The following RAD17 variants were observed in gnomAD, a reference collection of about 807,000 sequenced individuals.
RAD17 encodes the protein cell cycle checkpoint protein RAD17.
In RAD17, 31 loss-of-function variants were observed where a neutral mutation model predicts 81.5. The ratio of observed to expected loss-of-function variants is 0.38; its 90% CI spans 0.29 to 0.51. RAD17 has a LOEUF of 0.51. Among genes scored for constraint, RAD17 ranks in the 20% least tolerant of loss-of-function variants. The pLI, the probability that RAD17 is intolerant of heterozygous loss-of-function variation, is 0.88. For synonymous variants in RAD17, 261 were observed against 266.2 expected (o/e 0.98, Z 0.19); for missense variants, 681 against 781.2 (o/e 0.87, Z 1.53).
intron 18 of RAD17, 115 bp from the exon 19 acceptor site, chr5:69,413,916 C>G: frequency 7.7e-7 from 1 of 1,295,358 alleles, no homozygotes; most frequent in Middle Eastern, 2.7e-4. Context: ...AAGGGACTAG[C>G]TAAACAGCAC....
intron 18 of RAD17, among the ~76,000 whole-genome samples, chr5:69,413,442 AAAAAAAG>A (rs1766147919): frequency 1.3e-5 from 2 of 152,218 alleles, no homozygotes; most frequent in African/African-American, 4.8e-5. Flanking sequence ...GTCTCAATGA[AAAAAAAG>A]AAAAAAGAAA....
At chr5:69,385,997 G>T in intron 8 of RAD17, 46 bp from the exon 9 acceptor site, 2 of 1,413,228 alleles carry the variant, frequency 1.4e-6, no homozygotes, top group Non-Finnish European at 9.3e-7. Context: ...AAATAAATTT[G>T]CAATGGAATA....
intron 15 of RAD17, among the ~76,000 whole-genome samples, chr5:69,395,982 G>A (rs1764859958): frequency 6.6e-6 from 1 of 152,062 alleles, no homozygotes; most frequent in East Asian, 1.9e-4. Flanking sequence ...GAGCCACTGC[G>A]CCCAGCTGCA....
chr5:69,373,712 T>TG (rs1763160043), intron 4 of RAD17, 118 bp from the exon 5 acceptor site: 68 of 374,076 alleles, frequency 1.8e-4, no homozygotes, highest in South Asian at 9.4e-4. Flanking sequence ...TTTTTTTTTT[T>TG]TTTTAAGTTT....
At chr5:69,407,241 G>A (rs1765660832) in intron 17 of RAD17, among the ~76,000 whole-genome samples, 1 of 152,028 alleles carries the variant, frequency 6.6e-6, no homozygotes. Context: ...AACCTCAGGT[G>A]ATCCGCCTGC....
At chr5:69,379,073 C>G (rs1423384072) in intron 6 of RAD17, among the ~76,000 whole-genome samples, 2 of 152,084 alleles carry the variant, frequency 1.3e-5, no homozygotes, top group African/African-American at 4.8e-5. Context: ...GAAACCCCAT[C>G]TCTACTAAAA....
Position 69,410,553 on chromosome 5 carries a change from A to C in RAD17, c.1751+3A>C. ...CCTCTGAAGCGACACTTTGGAAGGT[A>C]AGCTGATCATCTCAATTTCCAAAAA... On this transcript the variant is annotated splice_donor_region_variant and intron_variant, in intron 18 of 18. Coordinates refer to ENST00000354868, the MANE Select transcript of RAD17 (RefSeq NM_133338.3). 1.2e-6 allele frequency: 2 copies of C among 1,612,364 alleles called. No individual in the cohort carries two copies. Among genetic ancestry groups the C allele is most frequent in the Non-Finnish European group, 1.7e-6 (2 of 1,178,692 alleles).
intron 15 of RAD17, among the ~76,000 whole-genome samples, chr5:69,394,051 A>G (rs1185200237): frequency 6.8e-6 from 1 of 146,156 alleles, no homozygotes; most frequent in Non-Finnish European, 1.5e-5. Context: ...CACCATGCCC[A>G]GCTTATTTTT....
In RAD17 at chr5:69,398,868, T is replaced by TAAAAAA. The variant is rs72281552; in HGVS notation, c.1573-1166_1573-1161dup. On this transcript the variant is annotated intron_variant, in intron 16 of 18. Coordinates refer to ENST00000354868, the MANE Select transcript of RAD17 (RefSeq NM_133338.3). ...TTCAGAATTTCTGGAATCTCCTGGT[T>TAAAAAA]AAAAAAAAAAAAAAAAAAAAGAGGC... Among the ~76,000 whole-genome samples, 70 of 109,820 alleles carry TAAAAAA rather than the reference T, an allele frequency of 6.4e-4. 5 individuals are homozygous for TAAAAAA. Among genetic ancestry groups the TAAAAAA allele is most frequent in the Non-Finnish European group, 8.9e-4 (50 of 56,026 alleles). The allele number at this position is 109,820 out of a possible 152,430, so 72.0% of individuals were successfully genotyped here. A position where few individuals can be genotyped will look rare whatever the true frequency, so the allele number is the denominator to read the frequency against.
intron 3 of RAD17, 35 bp from the exon 4 acceptor site, chr5:69,371,995 GTTAC>G: frequency 9.1e-7 from 1 of 1,095,302 alleles, no homozygotes; most frequent in Non-Finnish European, 1.2e-6. Context: ...TGTTAAGTAA[GTTAC>G]TTAACTTTGC....
At chr5:69,388,314 AG>A (rs1331427299) in intron 11 of RAD17, among the ~76,000 whole-genome samples, 4 of 152,212 alleles carry the variant, frequency 2.6e-5, no homozygotes, top group Non-Finnish European at 1.5e-5. Flanking sequence ...ACCCCAGTAA[AG>A]GAATTTTCAT....
chr5:69,398,804 T>A (rs138341145), intron 16 of RAD17, among the ~76,000 whole-genome samples: 1 of 133,380 alleles, frequency 7.5e-6, no homozygotes, highest in African/African-American at 2.8e-5. Flanking sequence ...AGACTCTGTC[T>A]CAGAAAGAAA....
At chr5:69,393,326 A>AT (rs1223943107) in intron 14 of RAD17, 28 bp from the exon 15 acceptor site, 1 of 1,580,350 alleles carries the variant, frequency 6.3e-7, no homozygotes, top group Non-Finnish European at 8.6e-7. Context: ...TTTTTACCAA[A>AT]TTTATGTATA....
chr5:69,390,700 A>C (rs777222021), intron 12 of RAD17, among the ~76,000 whole-genome samples: 43 of 151,688 alleles, frequency 2.8e-4, no homozygotes, highest in Non-Finnish European at 5.3e-4. Context: ...CTCGCCTGTT[A>C]TCCCAACACT....
chr5:69,383,142 A>G (rs1763959454), intron 7 of RAD17, among the ~76,000 whole-genome samples: 1 of 152,148 alleles, frequency 6.6e-6, no homozygotes, highest in Non-Finnish European at 1.5e-5. Context: ...TATGTACCTT[A>G]GCACTATCAT....
Position 69,371,447 on chromosome 5 carries a change from C to G in RAD17, c.-279-7C>G, listed in dbSNP as rs1019018366. 8.5e-5 allele frequency: 44 copies of G among 517,696 alleles called. 3 individuals carry two copies. Among genetic ancestry groups the G allele is most frequent in the East Asian group, 2.7e-4 (6 of 22,160 alleles). The allele number at this position is 517,696 out of a possible 1,614,324, so 32.1% of individuals were successfully genotyped here. A position where few individuals can be genotyped will look rare whatever the true frequency, so the allele number is the denominator to read the frequency against. ...ATTTGAGGGCTTCTTCCCCCCCCCC[C>G]CCCCAGGTGAATTATAGTTTAATGT... On this transcript the variant is annotated splice_polypyrimidine_tract_variant and splice_region_variant and intron_variant, in intron 2 of 18. Transcript: ENST00000354868.
In RAD17 at chr5:69,372,228, CT is replaced by C; in HGVS notation, c.9+12del. On this transcript the variant is annotated intron_variant, in intron 4 of 18. Transcript: ENST00000354868. The stretch of plus-strand genomic sequence containing the variant: ...GACGAAATGAATCAGGTAGCTATGA[CT>C]AAAATTTTTTCCAGTGGTCTTCCTT... 6.3e-7 allele frequency: 1 copy of C among 1,593,678 alleles called. No homozygotes were observed. Among genetic ancestry groups the C allele is most frequent in the Non-Finnish European group, 8.6e-7 (1 of 1,161,984 alleles).
At chr5:69,393,061 T>C in intron 13 of RAD17, 94 bp from the exon 14 acceptor site, 1 of 717,002 alleles carries the variant, frequency 1.4e-6, no homozygotes, top group Non-Finnish European at 2.3e-6. Flanking sequence ...TATGTTGGTA[T>C]TGTATGTCTA....
At position 69,374,029 on chromosome 5, in the gene RAD17, C is replaced by T; in HGVS notation, c.209C>T (p.Ser70Leu). The T allele has an allele frequency of 6.2e-7, 1 of 1,610,760 alleles. No homozygotes were observed. The highest frequency in any genetic ancestry group is 8.5e-7 in the Non-Finnish European group (1 of 1,177,916). ...SLEQIYGLEN[S>L]KEYLSENEPW... ...GAACAGATTTATGGTTTAGAAAATT[C>T]AAAAGAATATCTGTCTGAAAATGAA... Residue 70 changes from serine (S) to leucine (L), a missense_variant, in exon 5 of 19, where the codon TCA becomes TTA. Physicochemically the swap from Ser to Leu is moderately radical, Grantham distance 145. Transcript: ENST00000354868.
Sources: gnomAD v4.1 joint callset for allele counts (sites outside exome capture counted in the v4.1 genomes callset) on GRCh38, gnomAD v4.1.1 for gene constraint, MANE v1.5 for transcripts, NCBI Gene and HGNC (gene_info 2026-07-23, HGNC 2026-07-21) for gene names.